Variants in MCFD2 observed in about 807,000 individuals in gnomAD.
MCFD2 encodes the protein multiple coagulation factor deficiency 2, ER cargo receptor complex subunit.
MCFD2 carries 11 observed loss-of-function variants against 12.8 expected under a neutral mutation model. The observed-to-expected ratio is 0.86, with a 90% CI of 0.54 to 1.42. The LOEUF (loss-of-function observed/expected upper bound fraction) is 1.42. Among genes scored for constraint, MCFD2 ranks in the 40% most tolerant of loss-of-function variants. The probability of loss-of-function intolerance (pLI) is 0.00; values close to 1 mark genes in which losing one functional copy is unlikely to be tolerated. For synonymous variants in MCFD2, 70 were observed against 68.1 expected, an observed-to-expected ratio of 1.03 and a Z score of -0.14; for missense variants, 191 against 178.6, an observed-to-expected ratio of 1.07 and a Z score of -0.40.
rs1360707863 is a variant in MCFD2, at chr2:46,903,641, T to C, written c.*1822A>G. The stretch of plus-strand genomic sequence containing the variant: ...TCTTGTTATGTTTTAGCAAAGAGAC[T>C]GGCAGCATTTTGCCCCTTCCATAGG... On this transcript the variant is annotated 3_prime_UTR_variant, in exon 4 of 4. Transcript: ENST00000319466. 1 of 152,224 alleles carries C rather than the reference T, an allele frequency of 6.6e-6. No individual in the cohort carries two copies. The highest frequency in any genetic ancestry group is 1.9e-4 in the East Asian group (1 of 5,196). 9.4% of individuals were successfully genotyped at this position (152,224 alleles called of 1,614,324 possible).
rs994753065 is a variant in MCFD2, at chr2:46,908,897, C to G, written c.149+126G>C. 4.8e-6 allele frequency: 6 copies of G among 1,248,044 alleles called. No individual in the cohort carries two copies. Among genetic ancestry groups the G allele is most frequent in the Non-Finnish European group, 5.9e-6 (5 of 851,666 alleles). The allele number at this position is 1,248,044 out of a possible 1,614,324, so 77.3% of individuals were successfully genotyped here. A position where few individuals can be genotyped will look rare whatever the true frequency, so the allele number is the denominator to read the frequency against. ...GGTGGCAATAAGGAATAAGAATCATCCTTGAAGAATGTCAAGGAGCCATAG... is the reference window on the plus strand; with the variant it reads ...GGTGGCAATAAGGAATAAGAATCATGCTTGAAGAATGTCAAGGAGCCATAG... On this transcript the variant is annotated intron_variant, in intron 2 of 3. Coordinates refer to ENST00000319466, the MANE Select transcript of MCFD2 (RefSeq NM_139279.6). This position sits in a 1 kb window ranked among gnomAD's most constrained non-coding sequence, Gnocchi z 4.5.
At chr2:46,925,207 C>T (rs1669324415) in intron 1 of MCFD2, among the ~76,000 whole-genome samples, 1 of 152,198 alleles carries the variant, frequency 6.6e-6, no homozygotes, top group South Asian at 2.1e-4. Context: ...CTTCCCACCT[C>T]AGCATCCTGA....
chr2:46,922,617 T>C (rs1372154678), intron 1 of MCFD2, among the ~76,000 whole-genome samples: 1 of 152,140 alleles, frequency 6.6e-6, no homozygotes, highest in Non-Finnish European at 1.5e-5. Context: ...AAATTTTGTT[T>C]CTGGTTCATA....
intron 1 of MCFD2, among the ~76,000 whole-genome samples, chr2:46,929,098 G>A (rs886444482): frequency 3.3e-5 from 5 of 152,196 alleles, no homozygotes; most frequent in Non-Finnish European, 7.3e-5. Context: ...GGAAGGTGGA[G>A]GTTGGAGTGA....
intron 1 of MCFD2, among the ~76,000 whole-genome samples, chr2:46,927,894 T>G (rs987757688): frequency 5.4e-5 from 7 of 129,162 alleles, no homozygotes; most frequent in Non-Finnish European, 8.4e-5. Flanking sequence ...GTTTTTTTTT[T>G]TTTTTTTTTT....
upstream of MCFD2, among the ~76,000 whole-genome samples, chr2:46,918,824 T>C (rs1466729983): frequency 6.6e-6 from 1 of 152,242 alleles, no homozygotes; most frequent in African/African-American, 2.4e-5. Context: ...GAAGGGCAAC[T>C]CTACGTTGGA....
At chr2:46,925,233 G>A (rs1393086981) in intron 1 of MCFD2, among the ~76,000 whole-genome samples, 1 of 152,112 alleles carries the variant, frequency 6.6e-6, no homozygotes, top group Non-Finnish European at 1.5e-5. Context: ...TGGGACTACC[G>A]GCATGCACCA....
At chr2:46,921,215 G>A (rs1669085888) in intron 1 of MCFD2, among the ~76,000 whole-genome samples, 1 of 152,102 alleles carries the variant, frequency 6.6e-6, no homozygotes, top group South Asian at 2.1e-4. Context: ...AGACTGGGAA[G>A]AAAAAGTAAA....
chr2:46,914,716 C>A (rs1359990903), intron 1 of MCFD2, among the ~76,000 whole-genome samples: 3 of 152,084 alleles, frequency 2.0e-5, no homozygotes, highest in Non-Finnish European at 4.4e-5. Context: ...TGGGGTACCA[C>A]GAAATCCCCA....
At chr2:46,911,362 A>C (rs1668478985) in intron 1 of MCFD2, among the ~76,000 whole-genome samples, 2 of 151,472 alleles carry the variant, frequency 1.3e-5, no homozygotes, top group African/African-American at 2.4e-5. Context: ...TCCAGACCTC[A>C]GGTGATCCAC....
At chr2:46,916,017 T>G, upstream of MCFD2, 1 of 985,396 alleles carries the variant, frequency 1.0e-6, no homozygotes, top group East Asian at 1.1e-4. Context: ...TCCACTCCAG[T>G]TGGGCCGCTG....
intron 1 of MCFD2, among the ~76,000 whole-genome samples, chr2:46,925,802 TA>T (rs1395624754): frequency 6.6e-6 from 1 of 152,188 alleles, no homozygotes; most frequent in Non-Finnish European, 1.5e-5. Flanking sequence ...CAATGGAAGA[TA>T]AAAATAAAGT....
At chr2:46,922,929 T>G (rs1017683715) in intron 1 of MCFD2, among the ~76,000 whole-genome samples, 1 of 152,204 alleles carries the variant, frequency 6.6e-6, no homozygotes, top group Non-Finnish European at 1.5e-5. Flanking sequence ...CCCTAAAACA[T>G]CTGACTGAAT....
chr2:46,920,570 A>C (rs568379883), upstream of MCFD2, among the ~76,000 whole-genome samples: 1 of 151,802 alleles, frequency 6.6e-6, no homozygotes, highest in South Asian at 2.1e-4. Flanking sequence ...AACTCACGTG[A>C]TCTGCCTGCC....
upstream of MCFD2, chr2:46,917,142 G>C (rs1017777787): frequency 1.1e-5 from 8 of 699,622 alleles, no homozygotes; most frequent in Non-Finnish European, 2.1e-5. Flanking sequence ...CCATCCCAGA[G>C]AAAAATCCCA....
In MCFD2 at chr2:46,908,948, G is replaced by A; in HGVS notation, c.149+75C>T. On this transcript the variant is annotated intron_variant, in intron 2 of 3. Coordinates refer to ENST00000319466, the MANE Select transcript of MCFD2 (RefSeq NM_139279.6). This position sits in a 1 kb window ranked among gnomAD's most constrained non-coding sequence, Gnocchi z 4.5. ...AAACAGGAAGAAGGAAAGGAGGACT[G>A]AGCATGCCCTTGCCGCTGGCTCAGC... The A allele has an allele frequency of 2.5e-6, 4 of 1,582,934 alleles. No individual in the cohort carries two copies. Among genetic ancestry groups the A allele is most frequent in the Admixed American group, 1.7e-5 (1 of 59,994 alleles).
chr2:46,915,806 G>GGGGGGGGGGGGGGGCCCCCCCC, upstream of MCFD2: 1 of 512,578 alleles, frequency 2.0e-6, no homozygotes, highest in Non-Finnish European at 2.1e-6. Context: ...CCTCGGCTTC[G>GGGGGGGGGGGGGGGCCCCCCCC]CCCCGCCCCC....
chr2:46,911,740 T>C (rs1668495448), intron 1 of MCFD2, among the ~76,000 whole-genome samples: 1 of 151,114 alleles, frequency 6.6e-6, no homozygotes, highest in African/African-American at 2.4e-5. Flanking sequence ...GCTAACACGG[T>C]GAAATCCCGT....
At chr2:46,905,756 CA>C in intron 3 of MCFD2, 162 bp from the exon 4 acceptor site, 1 of 710,470 alleles carries the variant, frequency 1.4e-6, no homozygotes. Flanking sequence ...CATATGTGTC[CA>C]AAAACTTTCA....
Sources: gnomAD v4.1 joint callset for allele counts (sites outside exome capture counted in the v4.1 genomes callset) on GRCh38, gnomAD v4.1.1 for gene constraint, Gnocchi (gnomAD v3.1) non-coding constraint, MANE v1.5 for transcripts, NCBI Gene and HGNC (gene_info 2026-07-23, HGNC 2026-07-21) for gene names.